The following RAD51B variants were observed in gnomAD, a reference collection of about 807,000 sequenced individuals.
RAD51B encodes RAD51 paralog B.
A neutral mutation model predicts 42.2 loss-of-function variants in RAD51B; 38 were observed. That is an observed-to-expected ratio of 0.90 (90% CI 0.70 to 1.18). The LOEUF (loss-of-function observed/expected upper bound fraction) is 1.18. Ranked by LOEUF, RAD51B falls within the 50% of genes most tolerant of loss-of-function variation. The probability of loss-of-function intolerance (pLI) is 0.00; values close to 1 mark genes in which losing one functional copy is unlikely to be tolerated. For missense variants in RAD51B, 373 were observed against 400.7 expected (o/e 0.93, Z 0.59); for synonymous variants, 154 against 145.2 (o/e 1.06, Z -0.43).
intron 7 of RAD51B, among the ~76,000 whole-genome samples, chr14:68,003,033 A>G (rs980024944): frequency 1.3e-5 from 2 of 152,092 alleles, no homozygotes; most frequent in Non-Finnish European, 2.9e-5. Context: ...TTCCATATGA[A>G]TTTTTAAATA....
rs375269798 is a variant in RAD51B, at chr14:68,648,036, T to TATATATATATACAC, written c.1037-2744_1037-2743insTATATATATACACA. ...ATATATATATACGTATATATATATA[T>TATATATATATACAC]ACACACGTATATAGATGTGTGTGTG... is the stretch of plus-strand genomic sequence containing the variant. On this transcript the variant is annotated intron_variant, in intron 10 of 11. Coordinates refer to the RAD51B transcript ENST00000488612. 9.7e-4 allele frequency among the ~76,000 whole-genome samples: 111 copies of TATATATATATACAC among 114,006 alleles called. 8 individuals are homozygous for TATATATATATACAC. In the Middle Eastern group the frequency reaches 0.014, roughly 15 times the overall value. 74.8% of individuals were successfully genotyped at this position (114,006 alleles called of 152,430 possible).
In RAD51B at chr14:68,330,142, G is replaced by C. The variant is rs112478042; in HGVS notation, c.853+38162G>C. Among the ~76,000 whole-genome samples the C allele has an allele frequency of 5.2e-4, 79 of 152,144 alleles. 1 individual carries two copies. The highest frequency in any genetic ancestry group is 9.4e-4 in the Non-Finnish European group (64 of 68,030). ...CATATTCAGCATTAATAAGATACTA[G>C]CAAAGCTCTCATTCAGCTGCCATGC... On this transcript the variant is annotated intron_variant, in intron 8 of 10. Coordinates refer to ENST00000471583, the MANE Select transcript of RAD51B (RefSeq NM_133510.4).
intron 10 of RAD51B, among the ~76,000 whole-genome samples, chr14:68,578,315 G>A (rs1890056360): frequency 6.6e-6 from 1 of 152,148 alleles, no homozygotes; most frequent in Admixed American, 6.5e-5. Context: ...GGAGGCTGAG[G>A]CAAGAGAATC....
intron 7 of RAD51B, chr14:67,887,422 G>C (rs1024316891): frequency 5.1e-6 from 2 of 392,972 alleles, no homozygotes; most frequent in Non-Finnish European, 9.0e-6. Flanking sequence ...TTTGAGTCTG[G>C]AGTAGATTTA....
intron 7 of RAD51B, among the ~76,000 whole-genome samples, chr14:68,195,414 CT>C (rs11365758): frequency 0.7 from 106,396 of 151,890 alleles, 40,951 homozygotes; most frequent in East Asian, 0.98. Flanking sequence ...CTCCTAACTG[CT>C]CTCCCAGTTT....
intron 7 of RAD51B, among the ~76,000 whole-genome samples, chr14:67,897,565 C>G (rs909677150): frequency 6.6e-6 from 1 of 151,588 alleles, no homozygotes; most frequent in Non-Finnish European, 1.5e-5. Flanking sequence ...AGATAACACT[C>G]ACATCGCTTA....
chr14:68,449,258 T>C (rs2085496930), intron 9 of RAD51B, among the ~76,000 whole-genome samples: 1 of 152,228 alleles, frequency 6.6e-6, no homozygotes, highest in Non-Finnish European at 1.5e-5. Flanking sequence ...GAGGTAGCAA[T>C]ATAGCTTCAT....
At chr14:68,082,256 G>A (rs2076923576) in intron 7 of RAD51B, among the ~76,000 whole-genome samples, 1 of 152,032 alleles carries the variant, frequency 6.6e-6, no homozygotes, top group South Asian at 2.1e-4. Context: ...CACTGCGCCC[G>A]GCCGCAAATA....
chr14:68,078,789 A>G (rs1449651367), intron 7 of RAD51B, among the ~76,000 whole-genome samples: 3 of 152,210 alleles, frequency 2.0e-5, no homozygotes, highest in African/African-American at 4.8e-5. Context: ...CAAGGGTTCC[A>G]GACCAGCCTG....
chr14:68,208,831 A>G (rs1315620419), intron 7 of RAD51B, among the ~76,000 whole-genome samples: 1 of 152,200 alleles, frequency 6.6e-6, no homozygotes, highest in Non-Finnish European at 1.5e-5. Context: ...ACCCTAGTGG[A>G]TATTACATCT....
intron 9 of RAD51B, among the ~76,000 whole-genome samples, chr14:68,446,789 C>G (rs911970980): frequency 1.3e-5 from 2 of 152,166 alleles, no homozygotes; most frequent in Admixed American, 6.5e-5. Context: ...ATGAGGCCAT[C>G]ATCTGAGGCC....
At chr14:68,534,681 T>C (rs1279905447) in intron 10 of RAD51B, among the ~76,000 whole-genome samples, 21 of 151,972 alleles carry the variant, frequency 1.4e-4, no homozygotes, top group Admixed American at 1.4e-3. Context: ...CTGAGTGGAG[T>C]GGGTGGATAT....
chr14:68,543,027 A>G (rs949558637), intron 10 of RAD51B, among the ~76,000 whole-genome samples: 1 of 152,208 alleles, frequency 6.6e-6, no homozygotes, highest in Non-Finnish European at 1.5e-5. Flanking sequence ...TCTTCGTAAG[A>G]TGTCTGATTC....
intron 7 of RAD51B, among the ~76,000 whole-genome samples, chr14:68,179,808 G>C (rs2079027439): frequency 6.6e-6 from 1 of 152,132 alleles, no homozygotes; most frequent in Non-Finnish European, 1.5e-5. Context: ...TATGACATGG[G>C]TAAACAGATG....
intron 7 of RAD51B, among the ~76,000 whole-genome samples, chr14:68,010,396 A>G (rs1291877281): frequency 6.6e-6 from 1 of 151,884 alleles, no homozygotes; most frequent in Non-Finnish European, 1.5e-5. Context: ...AATTCAGATA[A>G]AAAGATCATT....
chr14:67,896,157 C>T (rs1269128178), intron 7 of RAD51B, among the ~76,000 whole-genome samples: 1 of 151,990 alleles, frequency 6.6e-6, no homozygotes, highest in African/African-American at 2.4e-5. Context: ...AGTAGGTGTC[C>T]AATATATATT....
intron 7 of RAD51B, among the ~76,000 whole-genome samples, chr14:67,987,694 G>A (rs1178011980): frequency 2.0e-5 from 3 of 152,028 alleles, no homozygotes; most frequent in Non-Finnish European, 2.9e-5. Context: ...GATTATCTCT[G>A]AAGGCCTATT....
chr14:67,894,358 C>T (rs1478044237), intron 7 of RAD51B, among the ~76,000 whole-genome samples: 10 of 152,160 alleles, frequency 6.6e-5, no homozygotes, highest in Admixed American at 3.9e-4. Flanking sequence ...CTGGTGGATG[C>T]TGTTACTGCC....
chr14:68,018,933 CTCT>C (rs2075820472), intron 7 of RAD51B, among the ~76,000 whole-genome samples: 1 of 152,098 alleles, frequency 6.6e-6, no homozygotes, highest in Non-Finnish European at 1.5e-5. Context: ...TCAGACGCAT[CTCT>C]GAAATGAATA....
Sources: gnomAD v4.1 joint callset for allele counts (sites outside exome capture counted in the v4.1 genomes callset) on GRCh38, gnomAD v4.1.1 for gene constraint, MANE v1.5 for transcripts, NCBI Gene and HGNC (gene_info 2026-07-23, HGNC 2026-07-21) for gene names.